The following KIRREL3 variants were observed in gnomAD, a reference collection of about 807,000 sequenced individuals.
KIRREL3 encodes kirre like nephrin family adhesion molecule 3, also known as kin of IRRE-like protein 3.
Under a neutral mutation model 89.7 loss-of-function variants are expected in KIRREL3, and 36 were observed. That is an observed-to-expected ratio of 0.40 (90% confidence interval 0.31 to 0.53). KIRREL3 has a LOEUF of 0.53. Ranked by LOEUF, KIRREL3 falls within the 20% of genes least tolerant of loss-of-function variation. The pLI is 0.49. For missense variants in KIRREL3, 864 were observed against 1,056.6 expected (o/e 0.82, Z 2.53); for synonymous variants, 445 against 441.4 (o/e 1.01, Z -0.10).
At chr11:126,648,813 T>C (rs1267123405) in intron 1 of KIRREL3, among the ~76,000 whole-genome samples, 2 of 152,226 alleles carry the variant, frequency 1.3e-5, no homozygotes, top group African/African-American at 4.8e-5. Flanking sequence ...GAAATAAATA[T>C]GGTAGCCCAA....
At position 126,431,414 on chromosome 11, in the gene KIRREL3, C is replaced by T. The variant is rs1226077050; in HGVS notation, c.1696+5G>A. On this transcript the variant is annotated splice_donor_5th_base_variant and intron_variant, in intron 14 of 16. Transcript: ENST00000525144. The surrounding 1 kb of genome is among the most constrained non-coding windows in gnomAD (Gnocchi z 7.1). ...TCCCTGAGATCCCGGATCTCCCTCC[C>T]GTACTTCTCTGGGAACGGGCACAGC... 2.5e-6 allele frequency: 4 copies of T among 1,613,990 alleles called. No individual in the cohort carries two copies. The African/African-American group carries it at 4.0e-5, about 16-fold the overall frequency.
Position 126,463,286 on chromosome 11 carries a change from G to A in KIRREL3, c.613C>T (p.Arg205Trp), listed in dbSNP as rs370309110. The A allele has an allele frequency of 2.0e-5, 32 of 1,613,302 alleles. No individual in the cohort carries two copies. The highest frequency in any genetic ancestry group is 4.4e-5 in the South Asian group (4 of 91,016). Residue 205 changes from arginine to tryptophan, a missense_variant, in exon 6 of 17, where the codon CGG (arginine) becomes TGG (tryptophan). Coordinates refer to ENST00000525144, the MANE Select transcript of KIRREL3 (RefSeq NM_032531.4). This position sits in a 1 kb window ranked among gnomAD's most constrained non-coding sequence, Gnocchi z 5.9. ...AAGAGGGTGCTGACGATGCTCTCCC[G>A]CTTGCCGTCCCGAAGCAGGGTCTTG... ...YSKTLLRDGKRESIVSTLFIS... is the reference protein window; with the variant it reads ...YSKTLLRDGKWESIVSTLFIS...
chr11:126,554,870 G>A (rs777269887), intron 2 of KIRREL3, among the ~76,000 whole-genome samples: 9 of 152,120 alleles, frequency 5.9e-5, no homozygotes, highest in East Asian at 1.9e-4. Flanking sequence ...TAACACAAGC[G>A]GCTGAGCGTC....
chr11:126,552,550 GTT>G (rs59392843), intron 2 of KIRREL3, among the ~76,000 whole-genome samples: 4 of 81,766 alleles, frequency 4.9e-5, no homozygotes, highest in African/African-American at 1.3e-4. Context: ...AGAGAGAAAA[GTT>G]TTTTTTTTTT....
rs983091068 is a variant in KIRREL3, at chr11:126,641,389, C to T, written c.56-78477G>A. 6.8e-6 allele frequency among the ~76,000 whole-genome samples: 1 copy of T among 147,580 alleles called. No individual in the cohort carries two copies. Among genetic ancestry groups the T allele is most frequent in the Non-Finnish European group, 1.5e-5 (1 of 66,794 alleles). ...TCTCTGAAGAGCCTCTTGGTGGTCA[C>T]AAAGCTACTTGCCACTCTCATCAGA... is the stretch of plus-strand genomic sequence containing the variant. On this transcript the variant is annotated intron_variant, in intron 1 of 16. Coordinates refer to ENST00000525144, the MANE Select transcript of KIRREL3 (RefSeq NM_032531.4). This position sits in a 1 kb window ranked among gnomAD's most constrained non-coding sequence, Gnocchi z 5.0.
intron 1 of KIRREL3, among the ~76,000 whole-genome samples, chr11:126,588,475 G>A (rs887569838): frequency 6.6e-6 from 1 of 152,150 alleles, no homozygotes; most frequent in East Asian, 1.9e-4. Flanking sequence ...CTGGGATAGC[G>A]ACCTGGAGGG....
chr11:126,425,838 C>G (rs1366133922), intron 15 of KIRREL3, 114 bp from the exon 16 acceptor site: 4 of 760,506 alleles, frequency 5.3e-6, no homozygotes, highest in East Asian at 2.7e-5. Context: ...CCCCACCACC[C>G]CTCACTGCCT....
At chr11:126,937,196 G>A (rs1948225235) in intron 1 of KIRREL3, 4 of 152,180 alleles carry the variant, frequency 2.6e-5, no homozygotes, top group South Asian at 2.1e-4. Context: ...GCCAGAAAGA[G>A]GATATGACCC....
At chr11:126,665,553 C>T (rs1435275000) in intron 1 of KIRREL3, among the ~76,000 whole-genome samples, 1 of 152,118 alleles carries the variant, frequency 6.6e-6, no homozygotes, top group Non-Finnish European at 1.5e-5. Flanking sequence ...GTGAAAGAGG[C>T]CCCAGAGAGC....
At chr11:126,500,294 A>G (rs1303649600) in intron 4 of KIRREL3, among the ~76,000 whole-genome samples, 1 of 152,168 alleles carries the variant, frequency 6.6e-6, no homozygotes, top group Non-Finnish European at 1.5e-5. Flanking sequence ...ATTAATTTAA[A>G]TTTAAATAGC....
chr11:126,943,144 C>T lies in KIRREL3; in HGVS notation c.55+57311G>A, dbSNP rs1948509324. ...TAAATGTTTTCATCAGTGCCATAGG[C>T]CTGGGTGCTGCTCCTGCTCCACTGG... On this transcript the variant is annotated intron_variant, in intron 1 of 16. Transcript: ENST00000525144. This position sits in a 1 kb window ranked among gnomAD's most constrained non-coding sequence, Gnocchi z 4.2. Among the ~76,000 whole-genome samples, 1 of 152,210 alleles carries T rather than the reference C, an allele frequency of 6.6e-6. No homozygotes were observed. Among genetic ancestry groups the T allele is most frequent in the Non-Finnish European group, 1.5e-5 (1 of 68,040 alleles).
chr11:126,842,441 C>T (rs1943995776), intron 1 of KIRREL3, among the ~76,000 whole-genome samples: 1 of 152,170 alleles, frequency 6.6e-6, no homozygotes, highest in Non-Finnish European at 1.5e-5. Flanking sequence ...AGAGGGCTGA[C>T]ACCTGGCCCC....
chr11:126,950,839 A>G (rs966051281), intron 1 of KIRREL3, among the ~76,000 whole-genome samples: 2 of 152,266 alleles, frequency 1.3e-5, no homozygotes, highest in Non-Finnish European at 2.9e-5. Context: ...GAAGAAGATT[A>G]GACTGAAAGG....
At position 126,821,688 on chromosome 11, in the gene KIRREL3, G is replaced by A. The variant is rs558348885; in HGVS notation, c.55+178767C>T. Among the ~76,000 whole-genome samples, 3 of 151,994 alleles carry A rather than the reference G, an allele frequency of 2.0e-5. No individual in the cohort carries two copies. The South Asian group carries it at 6.2e-4, about 32-fold the overall frequency. ...GTTGCTAATCAGCTGAAATTGAGAT[G>A]AGGAGAGTATCCTGGGCCATCTCGG... On this transcript the variant is annotated intron_variant, in intron 1 of 16. Coordinates refer to ENST00000525144, the MANE Select transcript of KIRREL3 (RefSeq NM_032531.4).
chr11:126,504,377 G>A (rs4937143), intron 4 of KIRREL3, among the ~76,000 whole-genome samples: 9 of 152,134 alleles, frequency 5.9e-5, no homozygotes, highest in Non-Finnish European at 1.2e-4. Context: ...CCTCTATTGA[G>A]AACCCTTCCA....
At chr11:126,733,934 G>A (rs1565687868) in intron 1 of KIRREL3, among the ~76,000 whole-genome samples, 1 of 152,222 alleles carries the variant, frequency 6.6e-6, no homozygotes, top group Admixed American at 6.5e-5. Context: ...GCACAGGGAT[G>A]CCAGGGGGTT....
At chr11:126,573,942 T>C (rs11220543) in intron 1 of KIRREL3, among the ~76,000 whole-genome samples, 81,162 of 151,934 alleles carry the variant, frequency 0.53, 22,240 homozygotes, top group South Asian at 0.64. Context: ...CCAGTCATGG[T>C]CTGGACCCTG....
rs891646747 is a variant in KIRREL3 at position 126,994,955 on chromosome 11, G to T, written c.55+5500C>A. On this transcript the variant is annotated intron_variant, in intron 1 of 16. Transcript: ENST00000525144. This position sits in a 1 kb window ranked among gnomAD's most constrained non-coding sequence, Gnocchi z 5.2. ...CTGCACTTCTAACTGGGTAAATTCT[G>T]ACTTTCTCTTGGGAAAAGAAAATGA... is the stretch of plus-strand genomic sequence containing the variant. The T allele has an allele frequency of 2.3e-5, 8 of 344,228 alleles. No homozygotes were observed. Among genetic ancestry groups the T allele is most frequent in the Non-Finnish European group, 4.6e-5 (8 of 174,894 alleles). 21.3% of individuals were successfully genotyped at this position (344,228 alleles called of 1,614,324 possible). A position where few individuals can be genotyped will look rare whatever the true frequency, so the allele number is the denominator to read the frequency against.
intron 1 of KIRREL3, among the ~76,000 whole-genome samples, chr11:126,572,998 A>G (rs535527844): frequency 1.2e-4 from 18 of 152,302 alleles, no homozygotes; most frequent in African/African-American, 4.3e-4. Context: ...CACTTGGCAC[A>G]AGGGAAGGGG....
Sources: allele counts gnomAD v4.1 joint callset (sites outside exome capture counted in the v4.1 genomes callset), GRCh38; gene constraint gnomAD v4.1.1; non-coding constraint Gnocchi (gnomAD v3.1); transcripts MANE v1.5; gene names NCBI Gene and HGNC (gene_info 2026-07-23, HGNC 2026-07-21).